LRP8: variants seen among roughly 807,000 people sequenced by gnomAD.
LRP8 encodes LDL receptor related protein 8.
LRP8 carries 46 observed loss-of-function variants against 111.6 expected under a neutral mutation model. The observed-to-expected ratio is 0.41, with a 90% CI of 0.33 to 0.53. The LOEUF (loss-of-function observed/expected upper bound fraction) is 0.53. Among genes scored for constraint, LRP8 ranks in the 20% least tolerant of loss-of-function variants. LRP8 has a pLI of 0.20. For missense variants in LRP8, 959 were observed against 1,297.4 expected, an observed-to-expected ratio of 0.74 and a Z score of 4.01; for synonymous variants, 464 against 511.2, an observed-to-expected ratio of 0.91 and a Z score of 1.24.
intron 2 of LRP8, among the ~76,000 whole-genome samples, chr1:53,297,985 G>T (rs758530927): frequency 2.6e-5 from 4 of 152,158 alleles, no homozygotes; most frequent in Non-Finnish European, 5.9e-5. Context: ...CCCATTCTGG[G>T]CCTCAGTTTC....
In LRP8 at chr1:53,275,958, A is replaced by G. The variant is rs1166457598; in HGVS notation, c.884-205T>C. On this transcript the variant is annotated intron_variant, in intron 5 of 18. Transcript: ENST00000306052. This position sits in a 1 kb window ranked among gnomAD's most constrained non-coding sequence, Gnocchi z 4.4. ...CTCAGAGAGGGGGAAGGCCTTGCCC[A>G]GGGTCACACAGCACTCTGGCTGGCA... Among the ~76,000 whole-genome samples the G allele has an allele frequency of 6.6e-6, 1 of 152,132 alleles. No homozygotes were observed. Among genetic ancestry groups the G allele is most frequent in the Admixed American group, 6.5e-5 (1 of 15,284 alleles).
intron 3 of LRP8, among the ~76,000 whole-genome samples, chr1:53,288,832 C>G (rs79881762): frequency 0.017 from 2,572 of 152,288 alleles, 54 homozygotes; most frequent in African/African-American, 0.059. Flanking sequence ...TTTAATTTAA[C>G]AAATGTCACA....
At chr1:53,326,807 C>CA (rs1655189975) in intron 2 of LRP8, 66 bp downstream of exon 2, 1 of 1,546,878 alleles carries the variant, frequency 6.5e-7, no homozygotes. Flanking sequence ...ACGTGCGCGC[C>CA]AAGCATGGTG....
At position 53,250,328 on chromosome 1, in the gene LRP8, C is replaced by CT. The variant is rs1399228844; in HGVS notation, c.2676+361dup. ...ACTGAGCAGAAAGAGAGACATTTGGCTTTTTTTACTGCCAGGAAGAGCCTC... is the reference window on the plus strand; with the variant it reads ...ACTGAGCAGAAAGAGAGACATTTGGCTTTTTTTTACTGCCAGGAAGAGCCTC... On this transcript the variant is annotated intron_variant, in intron 17 of 18. Transcript: ENST00000306052. The surrounding 1 kb of genome is among the most constrained non-coding windows in gnomAD (Gnocchi z 4.6). 2.6e-5 allele frequency among the ~76,000 whole-genome samples: 4 copies of CT among 152,136 alleles called. No homozygotes were observed. The highest frequency in any genetic ancestry group is 1.9e-4 in the East Asian group (1 of 5,198).
intron 2 of LRP8, among the ~76,000 whole-genome samples, chr1:53,313,391 C>T (rs1171654368): frequency 8.1e-6 from 1 of 123,794 alleles, no homozygotes; most frequent in East Asian, 2.3e-4. Context: ...GTCAGGGGCA[C>T]AGTGCACACT....
chr1:53,307,469 G>GA (rs1652198120), intron 2 of LRP8: 1 of 152,298 alleles, frequency 6.6e-6, no homozygotes, highest in Non-Finnish European at 1.5e-5. Flanking sequence ...GGTATGTTCA[G>GA]ACAGACGTGC....
intron 2 of LRP8, among the ~76,000 whole-genome samples, chr1:53,296,142 G>A (rs1217263997): frequency 1.3e-5 from 2 of 152,226 alleles, no homozygotes; most frequent in African/African-American, 4.8e-5. Flanking sequence ...CAGCCACCTA[G>A]GACAGGGAGA....
At chr1:53,274,762 G>A (rs1469553017) in intron 6 of LRP8, 7 of 456,158 alleles carry the variant, frequency 1.5e-5, no homozygotes, top group Middle Eastern at 3.2e-4. Context: ...ACACTTTCCC[G>A]CCGTCCACGC....
intron 2 of LRP8, among the ~76,000 whole-genome samples, chr1:53,318,395 T>C (rs1654081605): frequency 6.6e-6 from 1 of 152,052 alleles, no homozygotes; most frequent in African/African-American, 2.4e-5. Context: ...GGGAAGTCCT[T>C]CAGCTGCCTG....
rs192858489 is a variant in LRP8, at chr1:53,297,588, G to A, written c.245-7899C>T. On this transcript the variant is annotated intron_variant, in intron 2 of 18. Transcript: ENST00000306052. The stretch of plus-strand genomic sequence containing the variant: ...TCCCACCTGGGGAGACTGAGAAGCT[G>A]CAGGTGCTGAGGAGGAGGGAGACAC... Among the ~76,000 whole-genome samples, 258 of 152,324 alleles carry A rather than the reference G, an allele frequency of 1.7e-3. 1 individual carries two copies. The highest frequency in any genetic ancestry group is 2.6e-3 in the Non-Finnish European group (175 of 68,030).
chr1:53,258,918 C>T (rs1219914829), intron 13 of LRP8, among the ~76,000 whole-genome samples: 2 of 152,148 alleles, frequency 1.3e-5, no homozygotes, highest in Non-Finnish European at 2.9e-5. Context: ...CCACTACTAT[C>T]ATACTTTACT....
intron 3 of LRP8, among the ~76,000 whole-genome samples, chr1:53,280,923 A>T (rs2297657): frequency 0.3 from 44,935 of 152,104 alleles, 8,055 homozygotes; most frequent in East Asian, 0.49. Flanking sequence ...CCTTCTCTAC[A>T]TAACATCTTT....
chr1:53,289,455 C>T lies in LRP8; in HGVS notation c.367+112G>A, dbSNP rs750872538. The stretch of plus-strand genomic sequence containing the variant: ...CTGTTTACCAGGAGCGCCCTGAGTG[C>T]GTGGCACAGAATGTTCAACTGGTTA... On this transcript the variant is annotated intron_variant, in intron 3 of 18. Coordinates refer to ENST00000306052, the MANE Select transcript of LRP8 (RefSeq NM_004631.5). The T allele has an allele frequency of 3.8e-5, 53 of 1,408,334 alleles. 1 individual carries two copies. Among genetic ancestry groups the T allele is most frequent in the African/African-American group, 1.9e-4 (13 of 70,178 alleles). The allele number at this position is 1,408,334 out of a possible 1,614,324, so 87.2% of individuals were successfully genotyped here.
At chr1:53,271,198 C>T in intron 7 of LRP8, 29 bp downstream of exon 7, 1 of 1,613,936 alleles carries the variant, frequency 6.2e-7, no homozygotes, top group Non-Finnish European at 8.5e-7. Flanking sequence ...GGATCTGCTT[C>T]TGCTTGGGGG....
At chr1:53,264,599 A>G (rs1646481129) in intron 9 of LRP8, among the ~76,000 whole-genome samples, 1 of 152,188 alleles carries the variant, frequency 6.6e-6, no homozygotes, top group Non-Finnish European at 1.5e-5. Context: ...CTGGCTTTCT[A>G]AGGTGGGGCT....
chr1:53,323,937 A>C (rs892476531), intron 2 of LRP8, among the ~76,000 whole-genome samples: 7 of 152,174 alleles, frequency 4.6e-5, no homozygotes, highest in Non-Finnish European at 1.0e-4. Flanking sequence ...GCTTCCTTAA[A>C]AGTTCCCTCC....
At chr1:53,280,795 C>T in intron 3 of LRP8, 80 bp from the exon 4 acceptor site, 1 of 1,564,502 alleles carries the variant, frequency 6.4e-7, no homozygotes, top group Admixed American at 1.7e-5. Context: ...CACCCTGTTC[C>T]AGCCATCTGG....
chr1:53,280,538 G>A (rs1384820042), intron 4 of LRP8, 49 bp downstream of exon 4: 1 of 1,595,470 alleles, frequency 6.3e-7, no homozygotes, highest in Non-Finnish European at 8.5e-7. Context: ...ACTCCCTGAG[G>A]CTGCCTGACC....
rs1307288596 is a variant in LRP8, at chr1:53,242,756, T to C, written c.*4262A>G. On this transcript the variant is annotated 3_prime_UTR_variant, in exon 19 of 19. Coordinates refer to ENST00000306052, the MANE Select transcript of LRP8 (RefSeq NM_004631.5). Reference sequence around the variant, plus strand: ...AGCTTGTATGGAAAAAAAAATGCTCTTTTAAAAGTATATGGTTTGGACAGG... The same window carrying C: ...AGCTTGTATGGAAAAAAAAATGCTCCTTTAAAAGTATATGGTTTGGACAGG... The C allele has an allele frequency of 1.3e-5, 2 of 152,046 alleles. No homozygotes were observed. Among genetic ancestry groups the C allele is most frequent in the Non-Finnish European group, 2.9e-5 (2 of 68,016 alleles). The allele number at this position is 152,046 out of a possible 1,614,324, so 9.4% of individuals were successfully genotyped here.
Sources: gnomAD v4.1 joint callset for allele counts (sites outside exome capture counted in the v4.1 genomes callset) on GRCh38, gnomAD v4.1.1 for gene constraint, Gnocchi (gnomAD v3.1) non-coding constraint, MANE v1.5 for transcripts, NCBI Gene and HGNC (gene_info 2026-07-23, HGNC 2026-07-21) for gene names.